Variants in USH2A observed in about 807,000 individuals in gnomAD.
The protein encoded by USH2A is Usher syndrome 2A (autosomal recessive, mild).
In USH2A, 443 loss-of-function variants were observed where a neutral mutation model predicts 538.9. The observed-to-expected ratio is 0.82, with a 90% CI of 0.76 to 0.89. The LOEUF (loss-of-function observed/expected upper bound fraction) is 0.89. Ranked by LOEUF, USH2A falls within the 40% of genes least tolerant of loss-of-function variation. USH2A has a pLI of 0.00. For missense variants in USH2A, 6,633 were observed against 6,324.8 expected (o/e 1.05, Z -1.65); for synonymous variants, 2,413 against 2,273.5 (o/e 1.06, Z -1.75).
intron 64 of USH2A, among the ~76,000 whole-genome samples, chr1:215,668,202 G>A (rs1657693018): frequency 6.6e-6 from 1 of 152,206 alleles, no homozygotes; most frequent in Non-Finnish European, 1.5e-5. Context: ...TAACCCTCAA[G>A]TGGTTTTGAG....
rs1221018953 is a variant in USH2A at position 215,743,346 on chromosome 1, A to C, written c.11390-11T>G. 3 of 1,548,072 alleles carry C rather than the reference A, an allele frequency of 1.9e-6. No homozygotes were observed. The Admixed American group carries it at 5.3e-5, about 27-fold the overall frequency. On this transcript the variant is annotated splice_polypyrimidine_tract_variant and intron_variant, in intron 58 of 71. Coordinates refer to ENST00000307340, the MANE Select transcript of USH2A (RefSeq NM_206933.4). ...CGGGGATGAGGATCCCTTTAAAGAG[A>C]GAGAGAGAGAGAGAACATTAAAAAC...
At position 215,790,238 on chromosome 1, in the gene USH2A, T is replaced by A; in HGVS notation, c.10003A>T (p.Ile3335Leu). The A allele has an allele frequency of 3.1e-6, 5 of 1,614,076 alleles. No homozygotes were observed. The highest frequency in any genetic ancestry group is 4.2e-6 in the Non-Finnish European group (5 of 1,179,996). Reference sequence around the variant, plus strand: ...TCTCCACTGGAAGCTGAGCAGCATATGGTATCTGACATATTCACATAATCC... The same window carrying A: ...TCTCCACTGGAAGCTGAGCAGCATAAGGTATCTGACATATTCACATAATCC... ...GQDYVNMSDTICCSASSGESK... is the reference protein window; with the variant it reads ...GQDYVNMSDTLCCSASSGESK... Residue 3335 changes from isoleucine (I) to leucine (L), a missense_variant, in exon 51 of 72, where the codon ATA (isoleucine) becomes TTA (leucine). Transcript: ENST00000307340.
intron 64 of USH2A, among the ~76,000 whole-genome samples, chr1:215,664,103 C>T (rs1045227045): frequency 2.0e-5 from 3 of 152,106 alleles, no homozygotes; most frequent in South Asian, 2.1e-4. Flanking sequence ...TTCCCAGATG[C>T]GAGAGCAGAA....
At chr1:215,832,165 A>G (rs1228716143) in intron 47 of USH2A, among the ~76,000 whole-genome samples, 1 of 151,976 alleles carries the variant, frequency 6.6e-6, no homozygotes, top group African/African-American at 2.4e-5. Context: ...CCATCAAAGA[A>G]AAACTCCAGG....
chr1:216,230,233 T>A (rs2035649509), intron 14 of USH2A, among the ~76,000 whole-genome samples: 1 of 152,142 alleles, frequency 6.6e-6, no homozygotes, highest in Admixed American at 6.6e-5. Flanking sequence ...AACTGGGGAA[T>A]CTGTAGAATA....
chr1:215,762,730 G>A (rs1234496520), intron 56 of USH2A, among the ~76,000 whole-genome samples: 1 of 152,038 alleles, frequency 6.6e-6, no homozygotes, highest in Non-Finnish European at 1.5e-5. Context: ...CTAAGTCTCA[G>A]GTGAAACCAG....
intron 40 of USH2A, among the ~76,000 whole-genome samples, chr1:215,891,623 T>C (rs1010791371): frequency 6.6e-6 from 1 of 152,196 alleles, no homozygotes; most frequent in Non-Finnish European, 1.5e-5. Flanking sequence ...AAAGTAAGAA[T>C]TCATGGATGA....
chr1:216,059,189 T>C (rs7539700), intron 30 of USH2A, among the ~76,000 whole-genome samples: 6,153 of 152,274 alleles, frequency 0.04, 435 homozygotes, highest in African/African-American at 0.14. Flanking sequence ...TACATACATA[T>C]ATAGAGTAGC....
chr1:215,683,617 G>T (rs966713126), intron 61 of USH2A, among the ~76,000 whole-genome samples: 2 of 152,198 alleles, frequency 1.3e-5, no homozygotes, highest in African/African-American at 4.8e-5. Context: ...TTCCTTTGGA[G>T]ATGTAGCGTT....
intron 4 of USH2A, among the ~76,000 whole-genome samples, chr1:216,339,014 C>CT: frequency 6.6e-6 from 1 of 151,680 alleles, no homozygotes; most frequent in East Asian, 1.9e-4. Flanking sequence ...ATACCTTTCA[C>CT]TGTGCTTTTT....
intron 47 of USH2A, among the ~76,000 whole-genome samples, chr1:215,826,799 G>A (rs917981772): frequency 2.0e-5 from 3 of 152,070 alleles, no homozygotes; most frequent in African/African-American, 7.2e-5. Flanking sequence ...CCATAAAATG[G>A]TTATATAAAC....
intron 15 of USH2A, among the ~76,000 whole-genome samples, chr1:216,216,001 T>C (rs2035335193): frequency 6.6e-6 from 1 of 152,050 alleles, no homozygotes; most frequent in Non-Finnish European, 1.5e-5. Flanking sequence ...GCCAATATTG[T>C]CACAAAATTA....
rs1657036461 is a variant in USH2A, at chr1:215,650,703, A to T, written c.14232T>A (p.His4744Gln). Residue 4744 changes from histidine to glutamine, a missense_variant, in exon 65 of 72, where the codon CAT (histidine) becomes CAA (glutamine). By Grantham distance (24) the His-to-Gln change is conservative. Transcript: ENST00000307340. ...CCACTGCTTGGGTAGAAGAGATCAC[A>T]TGGAACGTGGGGGCTCTGAGACCTT... ...PPEGLRAPTF[H>Q]VISSTQAVVN... The T allele has an allele frequency of 6.2e-7, 1 of 1,614,020 alleles. No individual in the cohort carries two copies. The highest frequency in any genetic ancestry group is 8.5e-7 in the Non-Finnish European group (1 of 1,180,010).
chr1:215,790,738 C>T (rs940467321), intron 50 of USH2A, among the ~76,000 whole-genome samples: 6 of 152,210 alleles, frequency 3.9e-5, no homozygotes, highest in African/African-American at 1.4e-4. Flanking sequence ...CATCCTAGAA[C>T]TGGAAGCCCT....
In USH2A at chr1:215,782,207, CA is replaced by C; in HGVS notation, c.10586-12del. On this transcript the variant is annotated splice_polypyrimidine_tract_variant and intron_variant, in intron 53 of 71. Transcript: ENST00000307340. The stretch of plus-strand genomic sequence containing the variant: ...AGTAAATAATAGGACCTAAAAGAAG[CA>C]GAAAAATGACTGCATTTGAATGTGA... The C allele has an allele frequency of 6.2e-7, 1 of 1,613,286 alleles. No individual in the cohort carries two copies. The highest frequency in any genetic ancestry group is 8.5e-7 in the Non-Finnish European group (1 of 1,179,550).
chr1:216,335,858 T>C (rs1191051956), intron 4 of USH2A, among the ~76,000 whole-genome samples: 8 of 151,590 alleles, frequency 5.3e-5, no homozygotes, highest in Non-Finnish European at 7.4e-5. Flanking sequence ...AAAGAAGAAG[T>C]AGCACCATTA....
intron 4 of USH2A, among the ~76,000 whole-genome samples, chr1:216,348,755 C>T (rs2038224438): frequency 6.6e-6 from 1 of 151,962 alleles, no homozygotes; most frequent in Admixed American, 6.6e-5. Flanking sequence ...CTATGGTACA[C>T]CTGTTATTAG....
rs2102769888 is a variant in USH2A at position 215,790,100 on chromosome 1, A to G, written c.10141T>C (p.Tyr3381His). The G allele has an allele frequency of 6.2e-7, 1 of 1,613,540 alleles. No homozygotes were observed. The highest frequency in any genetic ancestry group is 8.5e-7 in the Non-Finnish European group (1 of 1,179,936). The stretch of plus-strand genomic sequence containing the variant: ...GTTGAAATCTTGTCAGAGCAAACAT[A>G]TTTCAAAGGATTATATCCAACTCCA... ...CNGVGYNPLK[Y>H]VCSDKISTGM... Residue 3381 changes from tyrosine to histidine, a missense_variant, in exon 51 of 72, where the codon TAT (tyrosine) becomes CAT (histidine). Physicochemically the swap from Tyr to His is moderately conservative, Grantham distance 83. Coordinates refer to ENST00000307340, the MANE Select transcript of USH2A (RefSeq NM_206933.4).
In USH2A at chr1:215,847,871, C is replaced by G. The variant is rs140500158; in HGVS notation, c.8846-1838G>C. On this transcript the variant is annotated intron_variant, in intron 44 of 71. Coordinates refer to ENST00000307340, the MANE Select transcript of USH2A (RefSeq NM_206933.4). The stretch of plus-strand genomic sequence containing the variant: ...CATAAAAACTGAATACTAGGTTTTT[C>G]TTTTTGTTTTTCCTAAATACACTAC... Among the ~76,000 whole-genome samples, 380 of 152,090 alleles carry G rather than the reference C, an allele frequency of 2.5e-3. 1 individual carries two copies. Among genetic ancestry groups the G allele is most frequent in the African/African-American group, 8.7e-3 (361 of 41,524 alleles).
Sources: allele counts gnomAD v4.1 joint callset (sites outside exome capture counted in the v4.1 genomes callset), GRCh38; gene constraint gnomAD v4.1.1; transcripts MANE v1.5; gene names NCBI Gene and HGNC (gene_info 2026-07-23, HGNC 2026-07-21).